ACAA2: variants seen among roughly 807,000 people sequenced by gnomAD.
The protein encoded by ACAA2 is acetyl-CoA acyltransferase 2.
In ACAA2, 35 loss-of-function variants were observed where a neutral mutation model predicts 44.8. The observed-to-expected ratio is 0.78, with a 90% confidence interval of 0.60 to 1.04. The LOEUF is 1.04. Ranked by LOEUF, ACAA2 falls within the 50% of genes least tolerant of loss-of-function variation. The probability of loss-of-function intolerance (pLI) is 0.00; values close to 1 mark genes in which losing one functional copy is unlikely to be tolerated. For synonymous variants in ACAA2, 142 were observed against 166.5 expected (o/e 0.85, Z 1.13); for missense variants, 468 against 482.6 (o/e 0.97, Z 0.28).
At chr18:49,799,359 C>T (rs1176840764) in intron 2 of ACAA2, among the ~76,000 whole-genome samples, 3 of 151,986 alleles carry the variant, frequency 2.0e-5, no homozygotes, top group Non-Finnish European at 2.9e-5. Flanking sequence ...CGATTGCAGG[C>T]ACGCGCCGCC....
chr18:49,809,171 A>T (rs1004744782), intron 1 of ACAA2, among the ~76,000 whole-genome samples: 1 of 152,222 alleles, frequency 6.6e-6, no homozygotes, highest in Non-Finnish European at 1.5e-5. Context: ...CGCAGGCAGT[A>T]AAGACCTTAT....
At position 49,787,271 on chromosome 18, in the gene ACAA2, A is replaced by AAAAC. The variant is rs1555789757; in HGVS notation, c.954+19_954+20insGTTT. ...TTTATTCATGTTGTTAAAAAAAAAAAAAAAAAAAAAAACACTTACCTCTAC... is the reference window on the plus strand; with the variant it reads ...TTTATTCATGTTGTTAAAAAAAAAAAAAACAAAAAAAAAAAACACTTACCTCTAC... On this transcript the variant is annotated intron_variant, in intron 8 of 9. Transcript: ENST00000285093. 4.0e-5 allele frequency: 54 copies of AAAAC among 1,333,866 alleles called. No homozygotes were observed. Among genetic ancestry groups the AAAAC allele is most frequent in the Middle Eastern group, 2.8e-4 (1 of 3,572 alleles). 82.6% of individuals were successfully genotyped at this position (1,333,866 alleles called of 1,614,324 possible).
rs1211812158 is a variant in ACAA2 at position 49,795,768 on chromosome 18, G to A, written c.426C>T (p.Ile142=). The A allele has an allele frequency of 6.3e-6, 10 of 1,590,904 alleles. No individual in the cohort carries two copies. In the South Asian group the frequency reaches 1.1e-4, roughly 18 times the overall value. Residue 142 remains isoleucine (I), a synonymous_variant, in exon 4 of 10, where the codon ATC becomes ATT. Coordinates refer to ENST00000285093, the MANE Select transcript of ACAA2 (RefSeq NM_006111.3). ...VRFGTKLGSD[I]KLEDSLWVSL... ...TTTAAATTTTTATGGTTCCAACCTT[G>A]ATATCTGATCCAAGCTTGGTTCCAA...
intron 6 of ACAA2, among the ~76,000 whole-genome samples, chr18:49,791,883 A>C (rs2023405000): frequency 6.6e-6 from 1 of 152,224 alleles, no homozygotes; most frequent in South Asian, 2.1e-4. Flanking sequence ...TGAGAAAAAA[A>C]AAAGTTTGAA....
intron 2 of ACAA2, among the ~76,000 whole-genome samples, chr18:49,800,545 T>G (rs572122868): frequency 6.6e-6 from 1 of 152,194 alleles, no homozygotes; most frequent in African/African-American, 2.4e-5. Context: ...CATTTTGTTT[T>G]GTACTAAGAA....
At chr18:49,792,087 C>T (rs1405935112) in intron 6 of ACAA2, 65 bp downstream of exon 6, 6 of 1,342,282 alleles carry the variant, frequency 4.5e-6, no homozygotes, top group Non-Finnish European at 5.2e-6. Flanking sequence ...TTACAAGATA[C>T]TTCATGATTA....
intron 6 of ACAA2, among the ~76,000 whole-genome samples, chr18:49,791,838 G>A (rs771149248): frequency 6.6e-6 from 1 of 151,952 alleles, no homozygotes; most frequent in Non-Finnish European, 1.5e-5. Flanking sequence ...CTAGATGTGA[G>A]TAGATGTAAG....
chr18:49,802,608 TATG>T, intron 2 of ACAA2, 76 bp downstream of exon 2: 1 of 1,345,068 alleles, frequency 7.4e-7, no homozygotes, highest in Non-Finnish European at 1.0e-6. Context: ...TGTTTACCAT[TATG>T]ATATGTTAAA....
At chr18:49,791,725 C>A in intron 6 of ACAA2, 126 bp from the exon 7 acceptor site, 3 of 908,408 alleles carry the variant, frequency 3.3e-6, no homozygotes, top group Admixed American at 2.7e-5. Flanking sequence ...GTGTGAGATA[C>A]AATTAGAAAA....
intron 2 of ACAA2, 127 bp downstream of exon 2, chr18:49,802,560 C>CAAAA (rs74176744): frequency 4.0e-3 from 2,391 of 592,718 alleles, no homozygotes; most frequent in Middle Eastern, 5.3e-3. Flanking sequence ...GACTCCATCT[C>CAAAA]AAAAAAAAAA....
intron 7 of ACAA2, among the ~76,000 whole-genome samples, chr18:49,788,948 CTCA>C (rs2023365966): frequency 6.6e-6 from 1 of 152,206 alleles, no homozygotes; most frequent in Non-Finnish European, 1.5e-5. Context: ...CAACAAGCTA[CTCA>C]TCAATAGCAC....
intron 2 of ACAA2, among the ~76,000 whole-genome samples, chr18:49,800,890 T>TAAA (rs5824805): frequency 4.1e-5 from 5 of 121,114 alleles, no homozygotes; most frequent in Non-Finnish European, 5.2e-5. Flanking sequence ...GAATGATCAA[T>TAAA]AAAAAAAAAA....
intron 9 of ACAA2, among the ~76,000 whole-genome samples, chr18:49,784,835 C>CT (rs1200092152): frequency 6.6e-6 from 1 of 151,562 alleles, no homozygotes; most frequent in Non-Finnish European, 1.5e-5. Context: ...TCACTCAGTA[C>CT]TTTTTTTTTC....
In ACAA2 at chr18:49,787,258, G is replaced by GT. The variant is rs779326433; in HGVS notation, c.954+32dup. On this transcript the variant is annotated intron_variant, in intron 8 of 9. Transcript: ENST00000285093. ...TAAAAGTACATGGTTTATTCATGTTGTTAAAAAAAAAAAAAAAAAAAAAAA... is the reference window on the plus strand; with the variant it reads ...TAAAAGTACATGGTTTATTCATGTTGTTTAAAAAAAAAAAAAAAAAAAAAAA... 6.7e-5 allele frequency: 53 copies of GT among 796,368 alleles called. No homozygotes were observed. The East Asian group carries it at 2.1e-3, about 31-fold the overall frequency. The allele number at this position is 796,368 out of a possible 1,614,324, so 49.3% of individuals were successfully genotyped here.
chr18:49,808,155 T>C (rs2023629695), intron 1 of ACAA2, among the ~76,000 whole-genome samples: 1 of 152,200 alleles, frequency 6.6e-6, no homozygotes, highest in African/African-American at 2.4e-5. Flanking sequence ...TACACAACTA[T>C]TAGTCTTTTG....
At chr18:49,788,235 T>A (rs962438969) in intron 7 of ACAA2, among the ~76,000 whole-genome samples, 5 of 152,208 alleles carry the variant, frequency 3.3e-5, no homozygotes, top group Non-Finnish European at 5.9e-5. Flanking sequence ...CTCGACTTGT[T>A]CTTAAAGAAT....
chr18:49,807,859 C>T (rs2023626074), intron 1 of ACAA2, among the ~76,000 whole-genome samples: 1 of 150,204 alleles, frequency 6.7e-6, no homozygotes. Context: ...CTCTGCTCTG[C>T]AAAAGATGCT....
At chr18:49,810,689 TTTTG>T (rs532811591) in intron 1 of ACAA2, among the ~76,000 whole-genome samples, 69 of 152,026 alleles carry the variant, frequency 4.5e-4, no homozygotes, top group South Asian at 6.2e-4. Context: ...TTTGGGTTTT[TTTTG>T]TTTGTTTGTT....
intron 7 of ACAA2, among the ~76,000 whole-genome samples, chr18:49,789,225 T>TGCTAGTCA (rs2023369557): frequency 6.6e-6 from 1 of 152,212 alleles, no homozygotes; most frequent in South Asian, 2.1e-4. Context: ...GGCTAAGGAT[T>TGCTAGTCA]GCTAGTCATT....
Sources: allele counts gnomAD v4.1 joint callset (sites outside exome capture counted in the v4.1 genomes callset), GRCh38; gene constraint gnomAD v4.1.1; transcripts MANE v1.5; gene names NCBI Gene and HGNC (gene_info 2026-07-23, HGNC 2026-07-21).